FTO: variants seen among roughly 807,000 people sequenced by gnomAD.
The protein encoded by FTO is alpha-ketoglutarate-dependent dioxygenase FTO.
A neutral mutation model predicts 63.9 loss-of-function variants in FTO; 47 were observed. The ratio of observed to expected loss-of-function variants is 0.74; its 90% CI spans 0.58 to 0.94. The LOEUF (loss-of-function observed/expected upper bound fraction) is 0.94, where lower values mean the gene tolerates loss of function less well. Among genes scored for constraint, FTO ranks in the 40% least tolerant of loss-of-function variants. FTO has a pLI of 0.00. For synonymous variants in FTO, 207 were observed against 224.4 expected (o/e 0.92, Z 0.69); for missense variants, 562 against 618.1 (o/e 0.91, Z 0.96).
chr16:54,060,914 T>G (rs1466952482), intron 8 of FTO, among the ~76,000 whole-genome samples: 6 of 152,228 alleles, frequency 3.9e-5, no homozygotes, highest in African/African-American at 1.4e-4. Flanking sequence ...ATACTCTGGC[T>G]CAGAGAAAAT....
In FTO at chr16:53,909,899, A is replaced by G. The variant is rs185863747; in HGVS notation, c.1239+20948A>G. The stretch of plus-strand genomic sequence containing the variant: ...TTTTTTAAACAATTTTTTTTAAGGG[A>G]CAGGATCTTGCTCTGTCATTTAGAC... On this transcript the variant is annotated intron_variant, in intron 7 of 8. Transcript: ENST00000471389. 1.3e-3 allele frequency among the ~76,000 whole-genome samples: 198 copies of G among 151,832 alleles called. 1 individual carries two copies. The highest frequency in any genetic ancestry group is 4.5e-3 in the African/African-American group (188 of 41,418).
Position 54,115,393 on chromosome 16 carries a change from T to C in FTO, c.*3478T>C, listed in dbSNP as rs2086967654. ...GCCCTGGGATATGTAGTCACCAAAA[T>C]AGGAACTTACCCCATAGTGGGGAAA... On this transcript the variant is annotated 3_prime_UTR_variant, in exon 9 of 9. Transcript: ENST00000471389. The C allele has an allele frequency of 6.6e-6, 1 of 152,122 alleles. No homozygotes were observed. Among genetic ancestry groups the C allele is most frequent in the Non-Finnish European group, 1.5e-5 (1 of 68,054 alleles). The allele number at this position is 152,122 out of a possible 1,614,324, so 9.4% of individuals were successfully genotyped here.
chr16:54,098,523 A>C (rs1286778986), intron 8 of FTO, among the ~76,000 whole-genome samples: 1 of 152,220 alleles, frequency 6.6e-6, no homozygotes, highest in Non-Finnish European at 1.5e-5. Context: ...CTACAACTCA[A>C]ATGAGCATTC....
chr16:53,845,177 G>A (rs2079586125), intron 4 of FTO, among the ~76,000 whole-genome samples: 1 of 152,166 alleles, frequency 6.6e-6, no homozygotes, highest in South Asian at 2.1e-4. Context: ...AAGCTTCTCA[G>A]GGTTTATTCT....
At chr16:54,081,404 G>A (rs994860246) in intron 8 of FTO, among the ~76,000 whole-genome samples, 2 of 152,102 alleles carry the variant, frequency 1.3e-5, no homozygotes, top group Non-Finnish European at 2.9e-5. Flanking sequence ...AGCCATGCAG[G>A]TATTGGCATT....
chr16:53,790,411 T>C (rs931507364), intron 1 of FTO, among the ~76,000 whole-genome samples: 11 of 151,862 alleles, frequency 7.2e-5, no homozygotes, highest in Middle Eastern at 3.4e-3. Flanking sequence ...AGTGACGACA[T>C]TAAGATTAAA....
intron 3 of FTO, among the ~76,000 whole-genome samples, chr16:53,830,084 T>C (rs2079105467): frequency 6.6e-6 from 1 of 152,334 alleles, no homozygotes; most frequent in East Asian, 1.9e-4. Flanking sequence ...AATCTTCTTG[T>C]AGATTTATAA....
intron 2 of FTO, among the ~76,000 whole-genome samples, chr16:53,818,983 G>T (rs2078774849): frequency 6.6e-6 from 1 of 152,012 alleles, no homozygotes; most frequent in Non-Finnish European, 1.5e-5. Context: ...GGCATATTTA[G>T]GTTCTGATAG....
chr16:54,004,952 C>T (rs34570989), intron 8 of FTO, among the ~76,000 whole-genome samples: 18,546 of 151,424 alleles, frequency 0.12, 1,427 homozygotes, highest in Admixed American at 0.26. Context: ...TGCCTGTAGT[C>T]GCAGCTACTT....
intron 8 of FTO, among the ~76,000 whole-genome samples, chr16:53,987,716 G>A (rs1322175778): frequency 5.3e-5 from 8 of 152,044 alleles, no homozygotes; most frequent in Non-Finnish European, 1.2e-4. Flanking sequence ...ATAGTGGAAA[G>A]AGTCAAGAAG....
rs553517363 is a variant in FTO at position 53,947,100 on chromosome 16, G to A, written c.1364+12991G>A. ...TAGTTATGAAAATTCCATCCATCTCGCTTAGGAGCTGCAGCTGCTACTGTC... is the reference window on the plus strand; with the variant it reads ...TAGTTATGAAAATTCCATCCATCTCACTTAGGAGCTGCAGCTGCTACTGTC... On this transcript the variant is annotated intron_variant, in intron 8 of 8. Coordinates refer to ENST00000471389, the MANE Select transcript of FTO (RefSeq NM_001080432.3). Among the ~76,000 whole-genome samples the A allele has an allele frequency of 7.2e-5, 11 of 152,254 alleles. No individual in the cohort carries two copies. The South Asian group carries it at 2.1e-3, about 29-fold the overall frequency.
chr16:54,002,973 A>G (rs1198285468), intron 8 of FTO, among the ~76,000 whole-genome samples: 4 of 152,218 alleles, frequency 2.6e-5, no homozygotes, highest in African/African-American at 9.6e-5. Context: ...TGGTGTGGGA[A>G]GCCAGCTTTC....
chr16:54,074,915 AGAGTGTGTGTGTGT>A (rs1445673552), intron 8 of FTO, among the ~76,000 whole-genome samples: 4 of 127,264 alleles, frequency 3.1e-5, no homozygotes, highest in African/African-American at 1.2e-4. Context: ...AGAGAGAGAG[AGAGTGTGTGTGTGT>A]GTGTGTGTGT....
intron 8 of FTO, among the ~76,000 whole-genome samples, chr16:53,954,885 A>G (rs543530724): frequency 6.6e-6 from 1 of 151,976 alleles, no homozygotes; most frequent in African/African-American, 2.4e-5. Context: ...AGTGAGTGGC[A>G]TGATTTAGAG....
intron 8 of FTO, chr16:53,993,220 G>A (rs544052403): frequency 1.3e-5 from 2 of 152,086 alleles, no homozygotes; most frequent in Non-Finnish European, 2.9e-5. Context: ...TATTACTGTC[G>A]GTTCTTACAA....
At chr16:53,814,965 G>A (rs2078632214) in intron 2 of FTO, 1 of 152,106 alleles carries the variant, frequency 6.6e-6, no homozygotes, top group South Asian at 2.1e-4. Context: ...GATACTTGTT[G>A]GAAGAATGTT....
intron 1 of FTO, among the ~76,000 whole-genome samples, chr16:53,780,437 C>T (rs1418937185): frequency 6.6e-6 from 1 of 152,134 alleles, no homozygotes; most frequent in Non-Finnish European, 1.5e-5. Context: ...CTAGATTTTA[C>T]TTTCTTTCTT....
chr16:54,107,781 G>A (rs1390994589), intron 8 of FTO, among the ~76,000 whole-genome samples: 3 of 152,176 alleles, frequency 2.0e-5, no homozygotes, highest in African/African-American at 7.2e-5. Context: ...AAACAGCATC[G>A]TACAGGACCC....
chr16:53,764,473 T>C (rs1049201708), intron 1 of FTO, among the ~76,000 whole-genome samples: 2 of 32,086 alleles, frequency 6.2e-5, no homozygotes, highest in Non-Finnish European at 1.2e-4. Flanking sequence ...CTACTAAAAA[T>C]ACAAAAAAAA....
Sources: allele counts gnomAD v4.1 joint callset (sites outside exome capture counted in the v4.1 genomes callset), GRCh38; gene constraint gnomAD v4.1.1; transcripts MANE v1.5; gene names NCBI Gene and HGNC (gene_info 2026-07-23, HGNC 2026-07-21).